Variants in FAT1 observed in about 807,000 individuals in gnomAD.
The protein encoded by FAT1 is protocadherin Fat 1.
FAT1 carries 171 observed loss-of-function variants against 329.8 expected under a neutral mutation model. That is an observed-to-expected ratio of 0.52 (90% CI 0.46 to 0.59). The LOEUF is 0.59. Ranked by LOEUF, FAT1 falls within the 20% of genes least tolerant of loss-of-function variation. FAT1 has a pLI of 0.00. For missense variants in FAT1, 5,672 were observed against 5,774.4 expected, an observed-to-expected ratio of 0.98 and a Z score of 0.57; for synonymous variants, 2,233 against 2,228.6, an observed-to-expected ratio of 1.00 and a Z score of -0.06.
rs2126699023 is a variant in FAT1, at chr4:186,708,782, G to A, written c.1046C>T (p.Ser349Phe). ...AGAAGTCACGTGAATGACTTTAACA[G>A]AAGAGAACTGGGGCGGAGTTCCTTT... Reference protein sequence around the residue: ...KDKGTPPQFSSVKVIHVTSPQ... With the variant: ...KDKGTPPQFSFVKVIHVTSPQ... Residue 349 changes from serine to phenylalanine, a missense_variant, in exon 2 of 27, where the codon TCT (serine) becomes TTT (phenylalanine). This residue lies in a region of FAT1 where 3,966 missense variants were observed against 3,915.2 expected (regional missense o/e 1.01). Coordinates refer to ENST00000441802, the MANE Select transcript of FAT1 (RefSeq NM_005245.4). 3 of 1,613,984 alleles carry A rather than the reference G, an allele frequency of 1.9e-6. No individual in the cohort carries two copies. Among genetic ancestry groups the A allele is most frequent in the Non-Finnish European group, 2.5e-6 (3 of 1,179,880 alleles).
chr4:186,694,372 T>A (rs570399734), intron 2 of FAT1, among the ~76,000 whole-genome samples: 1 of 152,338 alleles, frequency 6.6e-6, no homozygotes, highest in East Asian at 1.9e-4. Context: ...TTAAATAGAA[T>A]AATGAAGTTA....
rs1039914428 is a variant in FAT1 at position 186,618,659 on chromosome 4, T to G, written c.7927A>C (p.Lys2643Gln). ...YAIEADSESV[K>Q]ENLEINKLSG... ...AGTTTGTTAATTTCCAAATTCTCTT[T>G]TACACTTTCAGAGTCTGCTTCAATG... is the stretch of plus-strand genomic sequence containing the variant. Residue 2643 changes from lysine to glutamine, a missense_variant, in exon 10 of 27, where the codon AAA (lysine) becomes CAA (glutamine). Transcript: ENST00000441802. 45 of 1,613,928 alleles carry G rather than the reference T, an allele frequency of 2.8e-5. No homozygotes were observed. Among genetic ancestry groups the G allele is most frequent in the Non-Finnish European group, 3.3e-5 (39 of 1,179,908 alleles).
In FAT1 at chr4:186,589,070, T is replaced by C. The variant is rs2126355348; in HGVS notation, c.13289A>G (p.Asp4430Gly). 6.2e-7 allele frequency: 1 copy of C among 1,613,904 alleles called. No homozygotes were observed. Among genetic ancestry groups the C allele is most frequent in the African/African-American group, 1.3e-5 (1 of 75,000 alleles). The change falls in exon 27 of 27, where the codon GAC becomes GGC. Residue 4430 changes from aspartate (D) to glycine (G), a missense_variant. By Grantham distance (94) the Asp-to-Gly change is moderately conservative. This residue lies in a region of FAT1 where 1,706 missense variants were observed against 1,859.1 expected (regional missense o/e 0.92). Coordinates refer to ENST00000441802, the MANE Select transcript of FAT1 (RefSeq NM_005245.4). ...GGGTGGAGGAAAATCACTTTCGATGTCGTAGCCTCCAGGGTAATAGTCCGT... is the reference window on the plus strand; with the variant it reads ...GGGTGGAGGAAAATCACTTTCGATGCCGTAGCCTCCAGGGTAATAGTCCGT... The part of the protein sequence containing the change: ...IDTDYYPGGY[D>G]IESDFPPPPE...
In FAT1 at chr4:186,682,526, C is replaced by CAAAAAAA. The variant is rs10561120; in HGVS notation, c.3266-18920_3266-18914dup. ...TGAGTGAAAGAGCGAGACTCTGTCT[C>CAAAAAAA]AAAAAAAAAAAAAAAAAAGAAAGTT... is the stretch of plus-strand genomic sequence containing the variant. On this transcript the variant is annotated intron_variant, in intron 2 of 26. Coordinates refer to ENST00000441802, the MANE Select transcript of FAT1 (RefSeq NM_005245.4). Among the ~76,000 whole-genome samples, 313 of 119,590 alleles carry CAAAAAAA rather than the reference C, an allele frequency of 2.6e-3. 10 individuals carry two copies. Among genetic ancestry groups the CAAAAAAA allele is most frequent in the African/African-American group, 8.2e-3 (208 of 25,336 alleles). The allele number at this position is 119,590 out of a possible 152,430, so 78.5% of individuals were successfully genotyped here. A position where few individuals can be genotyped will look rare whatever the true frequency, so the allele number is the denominator to read the frequency against.
intron 2 of FAT1, among the ~76,000 whole-genome samples, chr4:186,691,223 C>T (rs1394695398): frequency 2.6e-5 from 4 of 152,192 alleles, no homozygotes; most frequent in Non-Finnish European, 5.9e-5. Flanking sequence ...TACTCTGGGA[C>T]ATGAATCACT....
At chr4:186,594,406 T>C (rs891578866) in intron 26 of FAT1, among the ~76,000 whole-genome samples, 1 of 151,760 alleles carries the variant, frequency 6.6e-6, no homozygotes, top group Non-Finnish European at 1.5e-5. Flanking sequence ...CAACAAGAAC[T>C]AGAAAGAAAA....
chr4:186,717,269 GTACACTAA>G (rs1341836931), intron 1 of FAT1, among the ~76,000 whole-genome samples: 2 of 152,130 alleles, frequency 1.3e-5, no homozygotes, highest in East Asian at 3.8e-4. Flanking sequence ...TTTTCTGGGT[GTACACTAA>G]TTCTTTTCAA....
rs547536010 is a variant in FAT1, at chr4:186,628,049, G to A, written c.4810+105C>T. 9.0e-5 allele frequency: 107 copies of A among 1,194,342 alleles called. 1 individual carries two copies. In the African/African-American group the frequency reaches 1.5e-3, roughly 17 times the overall value. The allele number at this position is 1,194,342 out of a possible 1,614,324, so 74.0% of individuals were successfully genotyped here. A position where few individuals can be genotyped will look rare whatever the true frequency, so the allele number is the denominator to read the frequency against. ...CTAGAGATCAATTTAAGCCATTTTTGCAGATACATAGAAATGCTTCAATAC... is the reference window on the plus strand; with the variant it reads ...CTAGAGATCAATTTAAGCCATTTTTACAGATACATAGAAATGCTTCAATAC... On this transcript the variant is annotated intron_variant, in intron 9 of 26. Transcript: ENST00000441802.
rs997828092 is a variant in FAT1, at chr4:186,703,088, C to T, written c.3265+3475G>A. Among the ~76,000 whole-genome samples, 23 of 152,104 alleles carry T rather than the reference C, an allele frequency of 1.5e-4. 1 individual carries two copies. The highest frequency in any genetic ancestry group is 5.3e-4 in the African/African-American group (22 of 41,412). ...CAGACCTCACATGGAAGGGCAGTCA[C>T]GTGGCATGGATCTGTCAGAACAGTT... On this transcript the variant is annotated intron_variant, in intron 2 of 26. Coordinates refer to ENST00000441802, the MANE Select transcript of FAT1 (RefSeq NM_005245.4).
chr4:186,669,228 C>T (rs1446209807), intron 2 of FAT1, among the ~76,000 whole-genome samples: 1 of 152,212 alleles, frequency 6.6e-6, no homozygotes, highest in Non-Finnish European at 1.5e-5. Context: ...GGGAGGGCTG[C>T]AGCCCAGGCC....
chr4:186,607,884 T>C (rs1184565623), intron 16 of FAT1, among the ~76,000 whole-genome samples: 2 of 152,016 alleles, frequency 1.3e-5, no homozygotes, highest in Non-Finnish European at 2.9e-5. Context: ...ATGTCACTTC[T>C]ATCAACATCT....
intron 3 of FAT1, among the ~76,000 whole-genome samples, chr4:186,656,308 C>T (rs564048072): frequency 1.6e-4 from 25 of 152,308 alleles, no homozygotes; most frequent in Admixed American, 2.6e-4. Flanking sequence ...TCTGCTATCC[C>T]GAGTCCTGGA....
At chr4:186,667,581 G>A (rs533745358) in intron 2 of FAT1, among the ~76,000 whole-genome samples, 43 of 152,148 alleles carry the variant, frequency 2.8e-4, no homozygotes, top group Non-Finnish European at 4.9e-4. Context: ...TACAACTTAC[G>A]GAGAACTATA....
At chr4:186,714,648 C>G (rs1164672048) in intron 1 of FAT1, among the ~76,000 whole-genome samples, 1 of 152,026 alleles carries the variant, frequency 6.6e-6, no homozygotes, top group African/African-American at 2.4e-5. Flanking sequence ...AACGGGAGGC[C>G]CTGACAGGGG....
In FAT1 at chr4:186,604,437, G is replaced by C. The variant is rs2126438627; in HGVS notation, c.10488C>G (p.Val3496=). The change falls in exon 18 of 27, where the codon GTC becomes GTG. Residue 3496 remains valine, a synonymous_variant. Transcript: ENST00000441802. The part of the protein sequence containing the change: ...EKAFEVNPQG[V]LLTSSAIKRK... ...TCTTGATGGCAGATGATGTCAGGAG[G>C]ACTCCTTGCGGGTTAACTTCAAAAG... 1 of 1,613,936 alleles carries C rather than the reference G, an allele frequency of 6.2e-7. No homozygotes were observed. The highest frequency in any genetic ancestry group is 8.5e-7 in the Non-Finnish European group (1 of 1,179,868).
intron 2 of FAT1, among the ~76,000 whole-genome samples, chr4:186,679,286 G>A (rs560026563): frequency 5.8e-4 from 88 of 151,984 alleles, no homozygotes; most frequent in Non-Finnish European, 8.1e-4. Flanking sequence ...GCGTGGTGGC[G>A]GGAGCCTGTA....
Position 186,618,410 on chromosome 4 carries a change from G to A in FAT1, c.8176C>T (p.Arg2726Ter), listed in dbSNP as rs1739834506. The change falls in exon 10 of 27, where the codon CGA (arginine) becomes TGA (stop). Residue 2726 changes from arginine to a stop codon, truncating the protein, a stop_gained. Coordinates refer to ENST00000441802, the MANE Select transcript of FAT1 (RefSeq NM_005245.4). LOFTEE classifies it high-confidence loss of function. ...AGAACAGTCCCACTATGTTCTGCTC[G>A]GATGAGATCTATCTCTGTTCCAATA... ...VPIGTEIDLI[R>*]AEHSGTVLYS... 3.1e-6 allele frequency: 5 copies of A among 1,613,980 alleles called. No individual in the cohort carries two copies. Among genetic ancestry groups the A allele is most frequent in the Middle Eastern group, 1.6e-4 (1 of 6,062 alleles).
At position 186,628,267 on chromosome 4, in the gene FAT1, G is replaced by A. The variant is rs1740416984; in HGVS notation, c.4697C>T (p.Ser1566Phe). ...CGATTCATAAACCCGCCCTTTGTAG[G>A]AGGAAGCGGTGAACCACGGGGCGTG... ...NDHAPWFTAS[S>F]YKGRVYESAA... Residue 1566 changes from serine to phenylalanine, a missense_variant, in exon 9 of 27, where the codon TCC (serine) becomes TTC (phenylalanine). Physicochemically the swap from Ser to Phe is radical, Grantham distance 155. Coordinates refer to ENST00000441802, the MANE Select transcript of FAT1 (RefSeq NM_005245.4). 1 of 1,613,854 alleles carries A rather than the reference G, an allele frequency of 6.2e-7. No individual in the cohort carries two copies. The highest frequency in any genetic ancestry group is 8.5e-7 in the Non-Finnish European group (1 of 1,179,838).
At chr4:186,665,920 G>T (rs1469400204) in intron 2 of FAT1, among the ~76,000 whole-genome samples, 1 of 151,654 alleles carries the variant, frequency 6.6e-6, no homozygotes, top group Non-Finnish European at 1.5e-5. Context: ...ATCGTTCTCA[G>T]CAAACTATCG....
Sources: allele counts gnomAD v4.1 joint callset (sites outside exome capture counted in the v4.1 genomes callset), GRCh38; gene constraint gnomAD v4.1.1; regional missense constraint gnomAD v4.1.1; transcripts MANE v1.5; gene names NCBI Gene and HGNC (gene_info 2026-07-23, HGNC 2026-07-21).